The following CHTF8 variants were observed in gnomAD, a reference collection of about 807,000 sequenced individuals.
The protein encoded by CHTF8 is chromosome transmission fidelity protein 8 homolog.
A neutral mutation model predicts 11.0 loss-of-function variants in CHTF8; 6 were observed. The observed-to-expected ratio is 0.55, with a 90% CI of 0.30 to 1.08. CHTF8 has a LOEUF of 1.08. Ranked by LOEUF, CHTF8 falls within the 50% of genes least tolerant of loss-of-function variation. The probability of loss-of-function intolerance (pLI) is 0.07; values close to 1 mark genes in which losing one functional copy is unlikely to be tolerated. For missense variants in CHTF8, 140 were observed against 153.1 expected, an observed-to-expected ratio of 0.91 and a Z score of 0.45; for synonymous variants, 53 against 60.5, an observed-to-expected ratio of 0.88 and a Z score of 0.57.
intron 1 of CHTF8, among the ~76,000 whole-genome samples, chr16:69,123,975 A>T (rs149084458): frequency 2.8e-3 from 418 of 150,578 alleles, no homozygotes; most frequent in African/African-American, 9.8e-3. Flanking sequence ...GTGGTGGCGC[A>T]CGCCTGCAGT....
intron 2 of CHTF8, 79 bp from the exon 3 acceptor site, chr16:69,121,249 C>T (rs1416440506): frequency 5.0e-6 from 7 of 1,388,732 alleles, no homozygotes; most frequent in Non-Finnish European, 7.0e-6. Flanking sequence ...CATTTGAGGC[C>T]CAAAGGACCT....
Position 69,120,364 on chromosome 16 carries a change from G to C in CHTF8, c.*61C>G, listed in dbSNP as rs1447030791. 2.0e-6 allele frequency: 3 copies of C among 1,537,368 alleles called. No homozygotes were observed. In the Admixed American group the frequency reaches 5.0e-5, roughly 26 times the overall value. ...CAGGGAACCGTCGAGCCGTCCTCGA[G>C]GTGGCAGCGGAGCACGAGTCCAAGG... On this transcript the variant is annotated 3_prime_UTR_variant, in exon 4 of 4. Transcript: ENST00000448552. The surrounding 1 kb of genome is among the most constrained non-coding windows in gnomAD (Gnocchi z 4.0).
At chr16:69,126,034 C>G (rs560391458) in intron 1 of CHTF8, among the ~76,000 whole-genome samples, 149 of 152,124 alleles carry the variant, frequency 9.8e-4, no homozygotes, top group African/African-American at 3.3e-3. Flanking sequence ...ATTTTAGCCA[C>G]GAATCAAAAA....
At chr16:69,127,255 C>T (rs1372997075) in intron 1 of CHTF8, among the ~76,000 whole-genome samples, 3 of 150,174 alleles carry the variant, frequency 2.0e-5, no homozygotes, top group African/African-American at 7.3e-5. Context: ...AAAAAAAAAG[C>T]ATATGAGAAC....
intron 1 of CHTF8, among the ~76,000 whole-genome samples, chr16:69,123,495 A>G (rs746296337): frequency 6.6e-6 from 1 of 152,056 alleles, no homozygotes; most frequent in Non-Finnish European, 1.5e-5. Context: ...AGTCTCTACT[A>G]AAAATACAAA....
chr16:69,123,767 A>C (rs1961852103), intron 1 of CHTF8, among the ~76,000 whole-genome samples: 1 of 152,120 alleles, frequency 6.6e-6, no homozygotes, highest in African/African-American at 2.4e-5. Context: ...CCTTTCACTT[A>C]GATATGAAAA....
intron 1 of CHTF8, among the ~76,000 whole-genome samples, chr16:69,123,884 T>C (rs1961860917): frequency 6.7e-6 from 1 of 149,804 alleles, no homozygotes; most frequent in Non-Finnish European, 1.5e-5. Flanking sequence ...GGTCAGGAGT[T>C]TGAGACCAGC....
chr16:69,121,995 C>T (rs1045497597), intron 1 of CHTF8, among the ~76,000 whole-genome samples: 6 of 151,600 alleles, frequency 4.0e-5, no homozygotes, highest in Non-Finnish European at 8.8e-5. Context: ...ACCATGTTGG[C>T]CAGGCTGGTC....
chr16:69,118,963 A>T lies in CHTF8; in HGVS notation c.*1462T>A. The T allele has an allele frequency of 1.4e-6, 1 of 703,056 alleles. No individual in the cohort carries two copies. Among genetic ancestry groups the T allele is most frequent in the East Asian group, 2.7e-5 (1 of 37,282 alleles). 43.6% of individuals were successfully genotyped at this position (703,056 alleles called of 1,614,324 possible). On this transcript the variant is annotated 3_prime_UTR_variant, in exon 4 of 4. Transcript: ENST00000448552. ...GCTCCCCACTCTAGGAAATGGGACG[A>T]AACTCTTGCCTGCAGGGCCATTCAT... is the stretch of plus-strand genomic sequence containing the variant.
chr16:69,131,216 A>C (rs1962481791), intron 1 of CHTF8: 1 of 152,186 alleles, frequency 6.6e-6, no homozygotes, highest in South Asian at 2.1e-4. Flanking sequence ...AAGTGTGTTC[A>C]AAAACGTGTG....
At chr16:69,130,896 T>C (rs940709412) in intron 1 of CHTF8, among the ~76,000 whole-genome samples, 1 of 152,254 alleles carries the variant, frequency 6.6e-6, no homozygotes, top group Admixed American at 6.5e-5. Context: ...TTCACCAAAC[T>C]GCTTCAGGGA....
At chr16:69,129,809 C>G (rs536371971) in intron 1 of CHTF8, among the ~76,000 whole-genome samples, 1 of 152,292 alleles carries the variant, frequency 6.6e-6, no homozygotes, top group East Asian at 1.9e-4. Flanking sequence ...TACAAAATGG[C>G]AAAGTAACCT....
Position 69,119,616 on chromosome 16 carries a change from T to G in CHTF8, c.*809A>C, listed in dbSNP as rs796123800. 1.2e-5 allele frequency: 8 copies of G among 694,080 alleles called. 1 individual carries two copies. In the African/African-American group the frequency reaches 1.4e-4, roughly 12 times the overall value. The allele number at this position is 694,080 out of a possible 1,614,324, so 43.0% of individuals were successfully genotyped here. A position where few individuals can be genotyped will look rare whatever the true frequency, so the allele number is the denominator to read the frequency against. On this transcript the variant is annotated 3_prime_UTR_variant, in exon 4 of 4. Transcript: ENST00000448552. ...TTAGAATGGGGGCAAGATCGAGGCC[T>G]TGAGGTCCAGCCATTCTTAAGTTAA...
Position 69,118,330 on chromosome 16 carries a change from T to A in CHTF8, c.*2095A>T. ...GGTGGGTCTTTCTTTGAAGTGGTTG[T>A]CCATCTCCCTGTTCTGTGTTCAAGC... is the stretch of plus-strand genomic sequence containing the variant. On this transcript the variant is annotated 3_prime_UTR_variant, in exon 4 of 4. Transcript: ENST00000448552. 7.2e-7 allele frequency: 1 copy of A among 1,391,626 alleles called. No homozygotes were observed. Among genetic ancestry groups the A allele is most frequent in the Non-Finnish European group, 1.0e-6 (1 of 976,856 alleles). 86.2% of individuals were successfully genotyped at this position (1,391,626 alleles called of 1,614,324 possible).
rs376376214 is a variant in CHTF8, at chr16:69,118,478, G to T, written c.*1947C>A. ...AGAGCAGTGAGCTGATTCTCCAATGGTGAGCAGGGGACTACATGTGAACTG... is the reference window on the plus strand; with the variant it reads ...AGAGCAGTGAGCTGATTCTCCAATGTTGAGCAGGGGACTACATGTGAACTG... On this transcript the variant is annotated 3_prime_UTR_variant, in exon 4 of 4. Transcript: ENST00000448552. 8.3e-6 allele frequency: 12 copies of T among 1,450,582 alleles called. No individual in the cohort carries two copies. In the South Asian group the frequency reaches 1.3e-4, roughly 15 times the overall value. 89.9% of individuals were successfully genotyped at this position (1,450,582 alleles called of 1,614,324 possible).
Position 69,121,060 on chromosome 16 carries a change from G to C in CHTF8, c.134C>G (p.Thr45Ser), listed in dbSNP as rs772991046. Reference protein sequence around the residue: ...AGNLLGDLHYTTEGIPVLIVG... With the variant: ...AGNLLGDLHYSTEGIPVLIVG... ...AAAGAAAAGCCCCCTCACCTCAGTG[G>C]TGTAATGTAGGTCTCCCAGGAGGTT... Residue 45 changes from threonine to serine, a missense_variant, in exon 3 of 4, where the codon ACC (threonine) becomes AGC (serine). Coordinates refer to ENST00000448552, the MANE Select transcript of CHTF8 (RefSeq NM_001039690.5). The C allele has an allele frequency of 2.0e-5, 32 of 1,613,430 alleles. No individual in the cohort carries two copies. The South Asian group carries it at 3.5e-4, about 18-fold the overall frequency.
chr16:69,127,925 C>CT (rs1369367893), intron 1 of CHTF8, among the ~76,000 whole-genome samples: 2 of 143,130 alleles, frequency 1.4e-5, no homozygotes, highest in Non-Finnish European at 1.5e-5. Context: ...TCTCTTTCTT[C>CT]TTTTTTTGAG....
At position 69,118,329 on chromosome 16, in the gene CHTF8, G is replaced by A. The variant is rs1961320769; in HGVS notation, c.*2096C>T. The A allele has an allele frequency of 7.3e-7, 1 of 1,378,962 alleles. No homozygotes were observed. The highest frequency in any genetic ancestry group is 1.4e-5 in the African/African-American group (1 of 70,396). The allele number at this position is 1,378,962 out of a possible 1,614,324, so 85.4% of individuals were successfully genotyped here. A position where few individuals can be genotyped will look rare whatever the true frequency, so the allele number is the denominator to read the frequency against. ...CGGTGGGTCTTTCTTTGAAGTGGTT[G>A]TCCATCTCCCTGTTCTGTGTTCAAG... On this transcript the variant is annotated 3_prime_UTR_variant, in exon 4 of 4. Transcript: ENST00000448552.
Position 69,119,183 on chromosome 16 carries a change from C to T in CHTF8, c.*1242G>A, listed in dbSNP as rs1371499013. On this transcript the variant is annotated 3_prime_UTR_variant, in exon 4 of 4. Transcript: ENST00000448552. ...GGACTTGGACCCTGCAGGCCAGTGG[C>T]CCTTGGGAAGTTAGCTGGGTTGGGG... 4.3e-6 allele frequency: 3 copies of T among 703,040 alleles called. No individual in the cohort carries two copies. Among genetic ancestry groups the T allele is most frequent in the East Asian group, 2.7e-5 (1 of 37,284 alleles). 43.6% of individuals were successfully genotyped at this position (703,040 alleles called of 1,614,324 possible). A position where few individuals can be genotyped will look rare whatever the true frequency, so the allele number is the denominator to read the frequency against.
Sources: gnomAD v4.1 joint callset for allele counts (sites outside exome capture counted in the v4.1 genomes callset) on GRCh38, gnomAD v4.1.1 for gene constraint, Gnocchi (gnomAD v3.1) non-coding constraint, MANE v1.5 for transcripts, NCBI Gene and HGNC (gene_info 2026-07-23, HGNC 2026-07-21) for gene names.